Variants in RBM46 observed in about 807,000 individuals in gnomAD.
The protein encoded by RBM46 is RNA binding motif protein 46, also known as probable RNA-binding protein 46.
Under a neutral mutation model 43.3 loss-of-function variants are expected in RBM46, and 12 were observed. That is an observed-to-expected ratio of 0.28 (90% CI 0.18 to 0.45). The LOEUF is 0.45. RBM46 is among the 20% of genes least tolerant of loss of function. RBM46 has a pLI of 1.00. For missense variants in RBM46, 412 were observed against 639.1 expected (o/e 0.64, Z 3.83); for synonymous variants, 205 against 207.6 (o/e 0.99, Z 0.11).
At chr4:154,801,384 T>C (rs1476564962) in intron 4 of RBM46, among the ~76,000 whole-genome samples, 2 of 152,188 alleles carry the variant, frequency 1.3e-5, no homozygotes, top group African/African-American at 4.8e-5. Context: ...TTAGCATCAT[T>C]GAAGCTAATA....
intron 1 of RBM46, chr4:154,781,850 G>C (rs1205270491): frequency 1.3e-5 from 2 of 152,334 alleles, no homozygotes; most frequent in African/African-American, 4.8e-5. Flanking sequence ...GACCGCTGCA[G>C]GCCCGGGCCG....
At chr4:154,796,980 T>G in intron 2 of RBM46, 77 bp downstream of exon 2, 1 of 1,224,454 alleles carries the variant, frequency 8.2e-7, no homozygotes. Flanking sequence ...CCCACAAGTA[T>G]TCCAAACAAT....
In RBM46 at chr4:154,792,929, TA is replaced by T. The variant is rs796595732; in HGVS notation, c.-11-3811del. On this transcript the variant is annotated intron_variant, in intron 1 of 4. Coordinates refer to ENST00000281722, the MANE Select transcript of RBM46 (RefSeq NM_144979.5). ...GAAACCCCTGAAAGGGCTTTTTATTTAATTGAGTAGCACATGCTCTTGATAA... is the reference window on the plus strand; with the variant it reads ...GAAACCCCTGAAAGGGCTTTTTATTTATTGAGTAGCACATGCTCTTGATAA... Among the ~76,000 whole-genome samples the T allele has an allele frequency of 2.0e-5, 3 of 152,192 alleles. No homozygotes were observed. In the South Asian group the frequency reaches 6.2e-4, roughly 31 times the overall value.
rs1734434254 is a variant in RBM46 at position 154,798,000 on chromosome 4, C to T, written c.341C>T (p.Ala114Val). 1 of 1,612,556 alleles carries T rather than the reference C, an allele frequency of 6.2e-7. No homozygotes were observed. Among genetic ancestry groups the T allele is most frequent in the African/African-American group, 1.3e-5 (1 of 74,784 alleles). Residue 114 changes from alanine to valine, a missense_variant, in exon 3 of 5, where the codon GCC (alanine) becomes GTC (valine). Ala to Val is a moderately conservative substitution (Grantham distance 64). Around this residue, in one of 8 missense-constraint regions of RBM46, gnomAD observed 48 missense variants for 78.9 expected, o/e 0.61. Transcript: ENST00000281722. ...AFVMYTTKEE[A>V]QLAIRILNNY... ...GTGATGTACACTACAAAAGAAGAAG[C>T]CCAATTAGCCATCAGAATTCTTAAT... is the stretch of plus-strand genomic sequence containing the variant.
intron 1 of RBM46, among the ~76,000 whole-genome samples, chr4:154,782,122 G>A (rs1408818544): frequency 6.6e-6 from 1 of 152,188 alleles, no homozygotes; most frequent in African/African-American, 2.4e-5. Flanking sequence ...GGTGCACAGG[G>A]AAGATAGCTC....
At chr4:154,811,255 A>G (rs1735156824) in intron 4 of RBM46, among the ~76,000 whole-genome samples, 1 of 152,214 alleles carries the variant, frequency 6.6e-6, no homozygotes, top group Admixed American at 6.5e-5. Context: ...GGCATAGCAT[A>G]TAGGCAACAC....
chr4:154,803,829 T>TG (rs1040167501), intron 4 of RBM46, among the ~76,000 whole-genome samples: 13 of 152,106 alleles, frequency 8.5e-5, no homozygotes, highest in African/African-American at 2.9e-4. Flanking sequence ...TGGACATTTG[T>TG]CCCTGCCAAA....
At chr4:154,797,779 A>T (rs1371592318) in intron 2 of RBM46, 32 bp from the exon 3 acceptor site, 4 of 1,376,492 alleles carry the variant, frequency 2.9e-6, no homozygotes, top group East Asian at 2.3e-5. Flanking sequence ...ATCCAATTAG[A>T]ATTTATGTGT....
At chr4:154,817,573 G>A (rs1735514699) in intron 4 of RBM46, among the ~76,000 whole-genome samples, 1 of 151,782 alleles carries the variant, frequency 6.6e-6, no homozygotes, top group Admixed American at 6.6e-5. Context: ...CTCAGGTGAT[G>A]TGCCCGCCTT....
intron 4 of RBM46, among the ~76,000 whole-genome samples, chr4:154,820,052 G>T (rs1735654250): frequency 6.6e-6 from 1 of 151,868 alleles, no homozygotes; most frequent in Non-Finnish European, 1.5e-5. Context: ...TGTTTTTAGA[G>T]TCTCTTCTTT....
chr4:154,788,755 A>T (rs1733919927), intron 1 of RBM46, among the ~76,000 whole-genome samples: 1 of 152,148 alleles, frequency 6.6e-6, no homozygotes, highest in Non-Finnish European at 1.5e-5. Flanking sequence ...ATGGCATTGA[A>T]TGTCTAAATT....
chr4:154,815,762 CAT>C (rs1389505304), intron 4 of RBM46, among the ~76,000 whole-genome samples: 1 of 151,944 alleles, frequency 6.6e-6, no homozygotes, highest in East Asian at 1.9e-4. Flanking sequence ...TGTTTTGAAA[CAT>C]AGAAGTTCTT....
chr4:154,806,423 A>G (rs1163202797), intron 4 of RBM46, among the ~76,000 whole-genome samples: 1 of 151,832 alleles, frequency 6.6e-6, no homozygotes, highest in East Asian at 1.9e-4. Flanking sequence ...GTAAGTTTTA[A>G]GGAATCTTTT....
intron 4 of RBM46, among the ~76,000 whole-genome samples, chr4:154,810,293 G>C (rs574592669): frequency 1.3e-5 from 2 of 152,070 alleles, no homozygotes; most frequent in African/African-American, 4.8e-5. Flanking sequence ...AAGTTACATA[G>C]TATCAAGGCT....
intron 4 of RBM46, among the ~76,000 whole-genome samples, chr4:154,804,269 A>ATT (rs1734796975): frequency 6.6e-6 from 1 of 152,238 alleles, no homozygotes; most frequent in Admixed American, 6.5e-5. Flanking sequence ...TAGGTTCTAT[A>ATT]TTAAATATTT....
chr4:154,798,633 A>C, intron 3 of RBM46, 149 bp from the exon 4 acceptor site: 2 of 585,452 alleles, frequency 3.4e-6, no homozygotes, highest in South Asian at 4.2e-5. Flanking sequence ...CTTTAGTAAA[A>C]ATTTTTGTGT....
intron 3 of RBM46, 49 bp downstream of exon 3, chr4:154,798,327 G>A (rs1285539624): frequency 8.5e-7 from 1 of 1,174,954 alleles, no homozygotes; most frequent in African/African-American, 1.5e-5. Flanking sequence ...CAAATATGGA[G>A]AGATGATAGT....
At chr4:154,784,500 A>C (rs141036652) in intron 1 of RBM46, among the ~76,000 whole-genome samples, 30 of 152,306 alleles carry the variant, frequency 2.0e-4, no homozygotes, top group Middle Eastern at 6.8e-3. Context: ...GTGATTTGCT[A>C]TCCTGTCTTG....
chr4:154,819,527 T>G (rs897289047), intron 4 of RBM46, among the ~76,000 whole-genome samples: 1 of 152,168 alleles, frequency 6.6e-6, no homozygotes, highest in African/African-American at 2.4e-5. Context: ...CTCAGTGATT[T>G]GAAACAAATG....
Sources: gnomAD v4.1 joint callset for allele counts (sites outside exome capture counted in the v4.1 genomes callset) on GRCh38, gnomAD v4.1.1 for gene constraint, gnomAD v4.1.1 regional missense constraint, MANE v1.5 for transcripts, NCBI Gene and HGNC (gene_info 2026-07-23, HGNC 2026-07-21) for gene names.